Variants in ASTN1 observed in about 807,000 individuals in gnomAD.
The protein encoded by ASTN1 is astrotactin-1.
A neutral mutation model predicts 140.7 loss-of-function variants in ASTN1; 41 were observed. The observed-to-expected ratio is 0.29, with a 90% CI of 0.23 to 0.38. The LOEUF (loss-of-function observed/expected upper bound fraction) is 0.38. ASTN1 is among the 10% of genes least tolerant of loss of function. ASTN1 has a pLI of 1.00. For missense variants in ASTN1, 1,479 were observed against 1,678.8 expected, an observed-to-expected ratio of 0.88 and a Z score of 2.08; for synonymous variants, 640 against 652.2, an observed-to-expected ratio of 0.98 and a Z score of 0.29.
At chr1:176,944,714 G>T (rs1157542441) in intron 13 of ASTN1, among the ~76,000 whole-genome samples, 2 of 152,162 alleles carry the variant, frequency 1.3e-5, no homozygotes, top group South Asian at 4.1e-4. Flanking sequence ...TACCAAAAGG[G>T]TAAAGACTAT....
chr1:177,136,946 T>C (rs1433630350), intron 1 of ASTN1, among the ~76,000 whole-genome samples: 1 of 152,228 alleles, frequency 6.6e-6, no homozygotes, highest in Non-Finnish European at 1.5e-5. Flanking sequence ...TAATCCTTTG[T>C]TGTGTGGGCT....
chr1:177,030,236 G>A, intron 4 of ASTN1, among the ~76,000 whole-genome samples: 1 of 152,186 alleles, frequency 6.6e-6, no homozygotes, highest in Non-Finnish European at 1.5e-5. Context: ...CTTTAAATCA[G>A]AGATAAACTC....
rs570041194 is a variant in ASTN1 at position 176,894,860 on chromosome 1, A to C, written c.2672-30T>G. 2.0e-5 allele frequency: 33 copies of C among 1,610,172 alleles called. No individual in the cohort carries two copies. In the African/African-American group the frequency reaches 3.6e-4, roughly 18 times the overall value. On this transcript the variant is annotated intron_variant, in intron 16 of 22. Transcript: ENST00000361833. ...AGACACAAAATGGAAAGAAACAGTG[A>C]AGGAGTCAAAAAAGTAAGGACTATC... is the stretch of plus-strand genomic sequence containing the variant.
At chr1:177,009,610 T>C (rs1675185464) in intron 8 of ASTN1, among the ~76,000 whole-genome samples, 1 of 152,228 alleles carries the variant, frequency 6.6e-6, no homozygotes, top group East Asian at 1.9e-4. Flanking sequence ...CCTGGGACAA[T>C]GAGAATGACA....
chr1:176,947,642 A>C (rs528537402), intron 12 of ASTN1, among the ~76,000 whole-genome samples: 1 of 152,324 alleles, frequency 6.6e-6, no homozygotes, highest in South Asian at 2.1e-4. Flanking sequence ...AAGATAGTGA[A>C]GTGGTTCCTT....
At chr1:177,075,645 C>CTTTTTTTTTTTTTTT (rs5778927) in intron 1 of ASTN1, among the ~76,000 whole-genome samples, 55 of 99,530 alleles carry the variant, frequency 5.5e-4, no homozygotes, top group Non-Finnish European at 8.1e-4. Context: ...CTTTTCTTTT[C>CTTTTTTTTTTTTTTT]TTTTTTTTTT....
intron 2 of ASTN1, among the ~76,000 whole-genome samples, chr1:177,039,933 C>T (rs1366393347): frequency 2.0e-5 from 3 of 152,184 alleles, no homozygotes; most frequent in South Asian, 4.1e-4. Flanking sequence ...ATGATCTCCT[C>T]ACAAGCAGAT....
At chr1:176,865,498 C>T (rs1379592232) in intron 22 of ASTN1, among the ~76,000 whole-genome samples, 1 of 152,174 alleles carries the variant, frequency 6.6e-6, no homozygotes, top group Non-Finnish European at 1.5e-5. Context: ...AGGATCCTCT[C>T]ATTCAGTTGT....
chr1:177,013,532 T>C (rs1363776985), intron 8 of ASTN1, among the ~76,000 whole-genome samples: 1 of 152,170 alleles, frequency 6.6e-6, no homozygotes, highest in African/African-American at 2.4e-5. Context: ...GTCACCATAT[T>C]TATTGCTTTG....
intron 1 of ASTN1, among the ~76,000 whole-genome samples, chr1:177,075,567 C>T (rs1363178218): frequency 6.6e-6 from 1 of 151,760 alleles, no homozygotes; most frequent in African/African-American, 2.4e-5. Context: ...GAGAAAGCTT[C>T]AGGCACGAAG....
At chr1:177,124,063 A>G (rs1558112643) in intron 1 of ASTN1, among the ~76,000 whole-genome samples, 1 of 152,208 alleles carries the variant, frequency 6.6e-6, no homozygotes, top group South Asian at 2.1e-4. Context: ...CACAGGGCTT[A>G]GGAGCTGCTT....
intron 2 of ASTN1, among the ~76,000 whole-genome samples, chr1:177,040,724 C>T (rs1263669186): frequency 6.6e-6 from 1 of 152,200 alleles, no homozygotes; most frequent in Non-Finnish European, 1.5e-5. Flanking sequence ...CTTCTCCTAG[C>T]TCTAAAAGTT....
At chr1:176,964,919 A>G (rs1275532064) in intron 9 of ASTN1, among the ~76,000 whole-genome samples, 1 of 152,142 alleles carries the variant, frequency 6.6e-6, no homozygotes, top group Non-Finnish European at 1.5e-5. Context: ...GAGGTTGAGT[A>G]AATTAGTGAG....
intron 2 of ASTN1, among the ~76,000 whole-genome samples, chr1:177,036,704 A>G (rs1676736635): frequency 6.6e-6 from 1 of 152,230 alleles, no homozygotes; most frequent in South Asian, 2.1e-4. Flanking sequence ...CACTAGGAAA[A>G]GGCAGGGGTC....
rs759575707 is a variant in ASTN1 at position 177,032,658 on chromosome 1, G to T, written c.663C>A (p.Arg221=). Residue 221 remains arginine, a synonymous_variant, in exon 3 of 23, where the codon CGC becomes CGA. Transcript: ENST00000361833. ...TGCCACTGGAGTTGTGGCCCTGCAC[G>T]CGGGCATTGCGCAGGCTCTCCCGTC... The part of the protein sequence containing the change: ...GHGRESLRNA[R]VQGHNSSGTL... 1.2e-6 allele frequency: 2 copies of T among 1,614,026 alleles called. No individual in the cohort carries two copies. Among genetic ancestry groups the T allele is most frequent in the Non-Finnish European group, 1.7e-6 (2 of 1,180,028 alleles).
At chr1:176,995,581 T>A (rs1398691949) in intron 8 of ASTN1, among the ~76,000 whole-genome samples, 1 of 152,134 alleles carries the variant, frequency 6.6e-6, no homozygotes, top group Non-Finnish European at 1.5e-5. Flanking sequence ...TCAATGTCAT[T>A]GCAACATAAA....
chr1:177,094,349 G>A (rs1192871622), intron 1 of ASTN1, among the ~76,000 whole-genome samples: 2 of 152,172 alleles, frequency 1.3e-5, no homozygotes, highest in African/African-American at 2.4e-5. Context: ...AATATGCACA[G>A]GGCAGTTTTA....
intron 16 of ASTN1, among the ~76,000 whole-genome samples, chr1:176,913,760 T>C (rs552730865): frequency 6.6e-6 from 1 of 152,270 alleles, no homozygotes; most frequent in African/African-American, 2.4e-5. Flanking sequence ...AAGAATCTGG[T>C]GTGGAGAAGC....
At chr1:176,865,848 C>T (rs1453540224) in intron 22 of ASTN1, among the ~76,000 whole-genome samples, 2 of 152,196 alleles carry the variant, frequency 1.3e-5, no homozygotes, top group African/African-American at 4.8e-5. Context: ...AGGTACATCT[C>T]ACATGGCAGC....
Sources: gnomAD v4.1 joint callset for allele counts (sites outside exome capture counted in the v4.1 genomes callset) on GRCh38, gnomAD v4.1.1 for gene constraint, MANE v1.5 for transcripts, NCBI Gene and HGNC (gene_info 2026-07-23, HGNC 2026-07-21) for gene names.